The following ARHGAP42 variants were observed in gnomAD, a reference collection of about 807,000 sequenced individuals.
ARHGAP42 encodes Rho GTPase activating protein 42, also known as rho GTPase-activating protein 42.
In ARHGAP42, 63 loss-of-function variants were observed where a neutral mutation model predicts 125.0. The ratio of observed to expected loss-of-function variants is 0.50; its 90% CI spans 0.41 to 0.62. The LOEUF (loss-of-function observed/expected upper bound fraction) is 0.62. ARHGAP42 is among the 20% of genes least tolerant of loss of function. The pLI is 0.00. For missense variants in ARHGAP42, 766 were observed against 1,024.2 expected, an observed-to-expected ratio of 0.75 and a Z score of 3.44; for synonymous variants, 339 against 351.0, an observed-to-expected ratio of 0.97 and a Z score of 0.38.
At chr11:100,722,735 C>G (rs536380497) in intron 1 of ARHGAP42, among the ~76,000 whole-genome samples, 1 of 152,318 alleles carries the variant, frequency 6.6e-6, no homozygotes, top group African/African-American at 2.4e-5. Context: ...CAAAGCTTTA[C>G]TTCCAGTCTA....
At chr11:100,872,384 GTTT>G (rs1173195933) in intron 4 of ARHGAP42, among the ~76,000 whole-genome samples, 2 of 151,950 alleles carry the variant, frequency 1.3e-5, no homozygotes, top group Admixed American at 1.3e-4. Flanking sequence ...AAATTAATGA[GTTT>G]TTGTTGTTGT....
At chr11:100,934,648 A>G (rs1333574965) in intron 7 of ARHGAP42, among the ~76,000 whole-genome samples, 1 of 152,236 alleles carries the variant, frequency 6.6e-6, no homozygotes, top group African/African-American at 2.4e-5. Context: ...TTGAGGTTTT[A>G]CTATAACTGA....
At chr11:100,747,880 C>G (rs1397382075) in intron 1 of ARHGAP42, among the ~76,000 whole-genome samples, 2 of 152,098 alleles carry the variant, frequency 1.3e-5, no homozygotes, top group Non-Finnish European at 2.9e-5. Context: ...CCTCAACTTT[C>G]TGACTTGTTG....
chr11:100,758,436 C>T (rs964089188), intron 1 of ARHGAP42, among the ~76,000 whole-genome samples: 1 of 150,774 alleles, frequency 6.6e-6, no homozygotes, highest in East Asian at 2.1e-4. Flanking sequence ...GATGAAAATG[C>T]ACTTAAGTAA....
chr11:100,856,081 G>A (rs577677481), intron 3 of ARHGAP42, among the ~76,000 whole-genome samples: 2 of 151,984 alleles, frequency 1.3e-5, no homozygotes, highest in African/African-American at 4.8e-5. Flanking sequence ...TGAATCTCCT[G>A]AACTCTGACT....
rs1300151924 is a variant in ARHGAP42, at chr11:100,943,808, T to C, written c.983T>C (p.Ile328Thr). 1 of 1,549,942 alleles carries C rather than the reference T, an allele frequency of 6.5e-7. No homozygotes were observed. Among genetic ancestry groups the C allele is most frequent in the Admixed American group, 2.0e-5 (1 of 50,928 alleles). Reference protein sequence around the residue: ...SPEMFKLKSCIRRKTDSIDKR... With the variant: ...SPEMFKLKSCTRRKTDSIDKR... ...GAAATGTTTAAATTAAAATCTTGTATCCGACGAAAGACAGATTCAATTGAC... is the reference window on the plus strand; with the variant it reads ...GAAATGTTTAAATTAAAATCTTGTACCCGACGAAAGACAGATTCAATTGAC... Residue 328 changes from isoleucine (I) to threonine (T), a missense_variant, in exon 10 of 24, where the codon ATC becomes ACC. By Grantham distance (89) the Ile-to-Thr change is moderately conservative. Transcript: ENST00000298815.
chr11:100,921,664 A>G, intron 6 of ARHGAP42, 60 bp downstream of exon 6: 1 of 1,036,092 alleles, frequency 9.7e-7, no homozygotes, highest in South Asian at 1.6e-5. Flanking sequence ...AAAAAAGTAC[A>G]CTGTTTTTTC....
At chr11:100,905,057 T>C (rs549913533) in intron 4 of ARHGAP42, among the ~76,000 whole-genome samples, 1 of 152,326 alleles carries the variant, frequency 6.6e-6, no homozygotes, top group East Asian at 1.9e-4. Context: ...TAGGAAACTT[T>C]CTCTTCTCTC....
chr11:100,911,706 G>C (rs1361597630), intron 4 of ARHGAP42, among the ~76,000 whole-genome samples: 1 of 152,142 alleles, frequency 6.6e-6, no homozygotes, highest in Non-Finnish European at 1.5e-5. Flanking sequence ...CTCCAACAGT[G>C]AGTGGAGAGG....
chr11:100,968,117 G>A (rs1435932185), intron 17 of ARHGAP42, among the ~76,000 whole-genome samples: 1 of 151,964 alleles, frequency 6.6e-6, no homozygotes, highest in Non-Finnish European at 1.5e-5. Flanking sequence ...AGTTCTTCTG[G>A]CTTTCATTTG....
intron 3 of ARHGAP42, among the ~76,000 whole-genome samples, chr11:100,805,438 T>C (rs545901808): frequency 6.6e-6 from 1 of 152,316 alleles, no homozygotes; most frequent in African/African-American, 2.4e-5. Context: ...TTATCTTAAT[T>C]TTCAATAAGT....
intron 4 of ARHGAP42, among the ~76,000 whole-genome samples, chr11:100,891,028 C>T (rs984059787): frequency 9.2e-5 from 14 of 152,162 alleles, no homozygotes; most frequent in African/African-American, 3.1e-4. Flanking sequence ...AGATGCCTTT[C>T]CTTATCCACA....
chr11:100,795,310 T>G (rs1298285994), intron 3 of ARHGAP42, 144 bp downstream of exon 3: 8 of 551,556 alleles, frequency 1.5e-5, no homozygotes, highest in Non-Finnish European at 2.4e-5. Flanking sequence ...TTTGAAAAGA[T>G]TTGTGACTAT....
chr11:100,928,683 A>T (rs1208565124), intron 6 of ARHGAP42, among the ~76,000 whole-genome samples: 1 of 152,196 alleles, frequency 6.6e-6, no homozygotes, highest in Non-Finnish European at 1.5e-5. Flanking sequence ...ATATTCACAG[A>T]TCTGTGCAAC....
intron 4 of ARHGAP42, among the ~76,000 whole-genome samples, chr11:100,874,379 G>A (rs996198239): frequency 2.0e-5 from 3 of 152,120 alleles, no homozygotes; most frequent in Admixed American, 2.0e-4. Context: ...TGGTGGTAAC[G>A]AACTACATCC....
intron 1 of ARHGAP42, among the ~76,000 whole-genome samples, chr11:100,730,525 A>G (rs1240309616): frequency 6.6e-6 from 1 of 152,228 alleles, no homozygotes; most frequent in African/African-American, 2.4e-5. Context: ...CTGAATATGC[A>G]CGTTAGAGCT....
At chr11:100,714,468 C>T (rs1321882846) in intron 1 of ARHGAP42, among the ~76,000 whole-genome samples, 2 of 151,262 alleles carry the variant, frequency 1.3e-5, no homozygotes, top group Non-Finnish European at 2.9e-5. Flanking sequence ...TCCCACTAAC[C>T]CTAACTTCCA....
intron 4 of ARHGAP42, among the ~76,000 whole-genome samples, chr11:100,866,165 G>C (rs906747386): frequency 1.3e-5 from 2 of 152,120 alleles, no homozygotes; most frequent in Admixed American, 1.3e-4. Flanking sequence ...TTGCTCATCC[G>C]TAAGAAGCAA....
rs1232504124 is a variant in ARHGAP42 at position 100,991,761 on chromosome 11, G to T, written c.*2960G>T. 1 of 152,422 alleles carries T rather than the reference G, an allele frequency of 6.6e-6. No individual in the cohort carries two copies. The highest frequency in any genetic ancestry group is 1.5e-5 in the Non-Finnish European group (1 of 68,286). The allele number at this position is 152,422 out of a possible 1,614,324, so 9.4% of individuals were successfully genotyped here. A position where few individuals can be genotyped will look rare whatever the true frequency, so the allele number is the denominator to read the frequency against. On this transcript the variant is annotated 3_prime_UTR_variant, in exon 24 of 24. Transcript: ENST00000298815. ...GGGTTTCTCCTTGTTTGATGTGAGTGGTTTTGCTTGTTGCATGGGTTCCCT... is the reference window on the plus strand; with the variant it reads ...GGGTTTCTCCTTGTTTGATGTGAGTTGTTTTGCTTGTTGCATGGGTTCCCT...
Sources: allele counts gnomAD v4.1 joint callset (sites outside exome capture counted in the v4.1 genomes callset), GRCh38; gene constraint gnomAD v4.1.1; transcripts MANE v1.5; gene names NCBI Gene and HGNC (gene_info 2026-07-23, HGNC 2026-07-21).